Variants in VTA1 observed in about 807,000 individuals in gnomAD.
VTA1 encodes the protein vesicle trafficking 1, also known as vacuolar protein sorting-associated protein VTA1 homolog.
In VTA1, 24 loss-of-function variants were observed where a neutral mutation model predicts 36.9. The ratio of observed to expected loss-of-function variants is 0.65; its 90% CI spans 0.47 to 0.91. The LOEUF is 0.91. Ranked by LOEUF, VTA1 falls within the 40% of genes least tolerant of loss-of-function variation. The pLI is 0.00. For missense variants in VTA1, 393 were observed against 377.2 expected, an observed-to-expected ratio of 1.04 and a Z score of -0.35; for synonymous variants, 142 against 130.2, an observed-to-expected ratio of 1.09 and a Z score of -0.62.
At chr6:142,208,196 C>G (rs1310221648) in intron 7 of VTA1, among the ~76,000 whole-genome samples, 1 of 151,530 alleles carries the variant, frequency 6.6e-6, no homozygotes, top group Non-Finnish European at 1.5e-5. Flanking sequence ...TCATTGACCT[C>G]TAAGATAATA....
intron 7 of VTA1, among the ~76,000 whole-genome samples, chr6:142,207,141 A>G (rs1250737731): frequency 6.6e-6 from 1 of 152,176 alleles, no homozygotes; most frequent in Non-Finnish European, 1.5e-5. Context: ...AGAGAAGTGG[A>G]AAAACTCCAG....
chr6:142,152,031 C>A (rs1253011873), intron 1 of VTA1, among the ~76,000 whole-genome samples: 10 of 151,488 alleles, frequency 6.6e-5, no homozygotes, highest in African/African-American at 2.4e-4. Flanking sequence ...AAGACTTCGT[C>A]TCAAAAAAAT....
At position 142,199,177 on chromosome 6, in the gene VTA1, G is replaced by C. The variant is rs566974904; in HGVS notation, c.697+562G>C. Among the ~76,000 whole-genome samples the C allele has an allele frequency of 2.0e-5, 3 of 152,062 alleles. No homozygotes were observed. In the East Asian group the frequency reaches 5.8e-4, roughly 29 times the overall value. Reference sequence around the variant, plus strand: ...ACCTTACACTTTAAAAAACTAACAGGAAAGAGAGACCTATCTGTGAATAAA... The same window carrying C: ...ACCTTACACTTTAAAAAACTAACAGCAAAGAGAGACCTATCTGTGAATAAA... On this transcript the variant is annotated intron_variant, in intron 6 of 7. Transcript: ENST00000367630.
intron 4 of VTA1, among the ~76,000 whole-genome samples, chr6:142,173,621 G>A (rs1775066777): frequency 6.6e-6 from 1 of 152,154 alleles, no homozygotes; most frequent in Non-Finnish European, 1.5e-5. Flanking sequence ...CCAGCCAACA[G>A]GTAAAGTAAT....
intron 1 of VTA1, among the ~76,000 whole-genome samples, chr6:142,152,837 T>G (rs1778593291): frequency 6.6e-6 from 1 of 152,130 alleles, no homozygotes; most frequent in Admixed American, 6.6e-5. Context: ...AAACTTTTTT[T>G]TGTGAGAAAA....
chr6:142,160,892 G>A (rs1774791353), intron 1 of VTA1, among the ~76,000 whole-genome samples: 1 of 151,946 alleles, frequency 6.6e-6, no homozygotes, highest in Non-Finnish European at 1.5e-5. Flanking sequence ...TTATTCTTTG[G>A]ACAATGAAAA....
chr6:142,198,744 C>T, intron 6 of VTA1, 129 bp downstream of exon 6: 2 of 787,940 alleles, frequency 2.5e-6, no homozygotes, highest in Non-Finnish European at 3.8e-6. Flanking sequence ...CCATTTGAAC[C>T]CACAAGAAAC....
chr6:142,202,092 A>G (rs1005844244), intron 6 of VTA1, among the ~76,000 whole-genome samples: 10 of 151,936 alleles, frequency 6.6e-5, no homozygotes. Context: ...GCCTAGGTAC[A>G]CCTGTTTCAA....
At chr6:142,190,479 A>T (rs1401988798) in intron 5 of VTA1, among the ~76,000 whole-genome samples, 1 of 152,132 alleles carries the variant, frequency 6.6e-6, no homozygotes, top group Non-Finnish European at 1.5e-5. Flanking sequence ...TTACCATCAC[A>T]CAGTGCGTTT....
intron 6 of VTA1, among the ~76,000 whole-genome samples, chr6:142,199,842 A>G (rs533620404): frequency 6.6e-6 from 1 of 152,086 alleles, no homozygotes; most frequent in Admixed American, 6.5e-5. Context: ...TAATAGACAA[A>G]CCTATTTGCA....
At chr6:142,174,429 T>A (rs139128999) in intron 4 of VTA1, among the ~76,000 whole-genome samples, 1 of 58,760 alleles carries the variant, frequency 1.7e-5, no homozygotes, top group South Asian at 6.3e-4. Context: ...CCAATGCCTG[T>A]ACCACCATTC....
intron 6 of VTA1, 64 bp from the exon 7 acceptor site, chr6:142,203,921 T>C: frequency 4.5e-6 from 6 of 1,335,720 alleles, no homozygotes; most frequent in Non-Finnish European, 6.4e-6. Flanking sequence ...TTTTAAGTGC[T>C]GCCCTGCTGT....
chr6:142,183,112 A>G (rs1775274085), intron 4 of VTA1, among the ~76,000 whole-genome samples: 1 of 152,228 alleles, frequency 6.6e-6, no homozygotes, highest in South Asian at 2.1e-4. Flanking sequence ...GGAAGATGGC[A>G]TGTAAGCCTT....
chr6:142,161,675 G>C (rs1774812633), intron 1 of VTA1, among the ~76,000 whole-genome samples: 2 of 151,892 alleles, frequency 1.3e-5, no homozygotes, highest in Non-Finnish European at 1.5e-5. Context: ...ATGTTTATTT[G>C]TTCTGTTTTT....
At chr6:142,191,173 A>T (rs907903674) in intron 5 of VTA1, among the ~76,000 whole-genome samples, 1 of 152,162 alleles carries the variant, frequency 6.6e-6, no homozygotes, top group African/African-American at 2.4e-5. Context: ...TTACTTCATA[A>T]ATATACTCAG....
intron 7 of VTA1, among the ~76,000 whole-genome samples, chr6:142,206,859 A>G (rs1420663419): frequency 6.6e-6 from 1 of 152,234 alleles, no homozygotes; most frequent in Non-Finnish European, 1.5e-5. Context: ...CGTTTCAATA[A>G]ATGGTGCTGG....
At chr6:142,169,201 G>T (rs1774981555) in intron 2 of VTA1, among the ~76,000 whole-genome samples, 1 of 151,804 alleles carries the variant, frequency 6.6e-6, no homozygotes, top group Admixed American at 6.6e-5. Context: ...CTATTTTTAG[G>T]GTAACTTATA....
intron 4 of VTA1, among the ~76,000 whole-genome samples, chr6:142,177,190 G>A (rs578153579): frequency 2.6e-5 from 4 of 152,256 alleles, no homozygotes; most frequent in South Asian, 4.1e-4. Flanking sequence ...CATGTGTCTT[G>A]TACTCACTTG....
chr6:142,178,640 A>G (rs1046715689), intron 4 of VTA1, among the ~76,000 whole-genome samples: 3 of 152,104 alleles, frequency 2.0e-5, no homozygotes, highest in Non-Finnish European at 2.9e-5. Flanking sequence ...GTACATATAT[A>G]TATTTGGCAA....
Sources: allele counts gnomAD v4.1 joint callset (sites outside exome capture counted in the v4.1 genomes callset), GRCh38; gene constraint gnomAD v4.1.1; transcripts MANE v1.5; gene names NCBI Gene and HGNC (gene_info 2026-07-23, HGNC 2026-07-21).